The following TBC1D5 variants were observed in gnomAD, a reference collection of about 807,000 sequenced individuals.
The protein encoded by TBC1D5 is TBC1 domain family member 5, also known as TBC1 domain family, member 5.
A neutral mutation model predicts 100.3 loss-of-function variants in TBC1D5; 75 were observed. That is an observed-to-expected ratio of 0.75 (90% CI 0.62 to 0.91). The LOEUF is 0.91. Ranked by LOEUF, TBC1D5 falls within the 40% of genes least tolerant of loss-of-function variation. TBC1D5 has a pLI of 0.00. For missense variants in TBC1D5, 910 were observed against 942.4 expected (o/e 0.97, Z 0.45); for synonymous variants, 323 against 325.6 (o/e 0.99, Z 0.09).
At chr3:17,248,357 T>C (rs1383895353) in intron 16 of TBC1D5, among the ~76,000 whole-genome samples, 1 of 152,210 alleles carries the variant, frequency 6.6e-6, no homozygotes, top group East Asian at 1.9e-4. Flanking sequence ...AATCAACTTC[T>C]TTCAAACTCT....
At chr3:17,385,615 C>T (rs73156350) in intron 8 of TBC1D5, among the ~76,000 whole-genome samples, 10,265 of 151,924 alleles carry the variant, frequency 0.068, 696 homozygotes, top group African/African-American at 0.18. Context: ...AAATTAAGGT[C>T]CATTTTACAT....
At chr3:17,570,783 G>A (rs2096622302) in intron 2 of TBC1D5, among the ~76,000 whole-genome samples, 1 of 151,912 alleles carries the variant, frequency 6.6e-6, no homozygotes, top group African/African-American at 2.4e-5. Flanking sequence ...TGTCGATACA[G>A]TTGTTCATCC....
intron 8 of TBC1D5, among the ~76,000 whole-genome samples, chr3:17,386,320 T>C (rs910977833): frequency 2.6e-5 from 4 of 152,232 alleles, no homozygotes; most frequent in African/African-American, 9.6e-5. Flanking sequence ...GTAGCTGTTA[T>C]AATCTAAAAT....
At chr3:17,244,782 A>T (rs2076586745) in intron 16 of TBC1D5, among the ~76,000 whole-genome samples, 1 of 152,132 alleles carries the variant, frequency 6.6e-6, no homozygotes, top group Non-Finnish European at 1.5e-5. Flanking sequence ...ATGCTTATAG[A>T]TATCAATCTA....
At chr3:17,174,753 C>T (rs2067532256) in intron 19 of TBC1D5, among the ~76,000 whole-genome samples, 1 of 152,172 alleles carries the variant, frequency 6.6e-6, no homozygotes, top group African/African-American at 2.4e-5. Context: ...GCTACCATGC[C>T]TGGCTAATTT....
At chr3:17,358,875 T>TA (rs778056629) in intron 13 of TBC1D5, among the ~76,000 whole-genome samples, 52 of 151,984 alleles carry the variant, frequency 3.4e-4, no homozygotes, top group Non-Finnish European at 6.6e-4. Flanking sequence ...AAAAAATCTA[T>TA]AAAAAATCAT....
intron 13 of TBC1D5, among the ~76,000 whole-genome samples, chr3:17,329,698 C>T (rs1292660307): frequency 2.6e-5 from 4 of 152,140 alleles, no homozygotes; most frequent in Admixed American, 2.6e-4. Context: ...TAGTCCAATG[C>T]TTTTCCCACA....
chr3:17,245,846 T>C (rs1208888356), intron 16 of TBC1D5, among the ~76,000 whole-genome samples: 2 of 152,240 alleles, frequency 1.3e-5, no homozygotes, highest in Admixed American at 1.3e-4. Flanking sequence ...AATTATTTTC[T>C]CACCTGTATC....
intron 19 of TBC1D5, among the ~76,000 whole-genome samples, chr3:17,170,721 C>G (rs998315408): frequency 2.6e-5 from 4 of 152,108 alleles, no homozygotes; most frequent in African/African-American, 4.8e-5. Flanking sequence ...ACACAAAGCT[C>G]TCTTTAGAGG....
chr3:17,685,627 T>A (rs531244181), intron 1 of TBC1D5, among the ~76,000 whole-genome samples: 1 of 152,078 alleles, frequency 6.6e-6, no homozygotes, highest in Non-Finnish European at 1.5e-5. Context: ...CTCATCTCAA[T>A]ACATATGAAC....
intron 19 of TBC1D5, among the ~76,000 whole-genome samples, chr3:17,183,277 C>G (rs971188239): frequency 3.9e-5 from 6 of 152,112 alleles, no homozygotes; most frequent in Admixed American, 3.9e-4. Context: ...CCTTTAAAAG[C>G]CTTTGTTTTC....
chr3:17,411,572 G>C (rs1349618128), intron 4 of TBC1D5, among the ~76,000 whole-genome samples: 2 of 152,136 alleles, frequency 1.3e-5, no homozygotes, highest in African/African-American at 4.8e-5. Context: ...CCAGATAAGA[G>C]AGGGAAGTAT....
intron 1 of TBC1D5, among the ~76,000 whole-genome samples, chr3:17,656,686 G>A (rs1236545743): frequency 6.6e-6 from 1 of 152,058 alleles, no homozygotes; most frequent in African/African-American, 2.4e-5. Context: ...TACTCTTCAG[G>A]AGTTCATTCC....
At chr3:17,505,579 T>C (rs1182102265) in intron 3 of TBC1D5, among the ~76,000 whole-genome samples, 2 of 152,218 alleles carry the variant, frequency 1.3e-5, no homozygotes, top group African/African-American at 2.4e-5. Flanking sequence ...CAATCTCTTA[T>C]AAGCTTGTGA....
chr3:17,630,164 TG>T (rs2063376496), intron 1 of TBC1D5, among the ~76,000 whole-genome samples: 1 of 152,210 alleles, frequency 6.6e-6, no homozygotes. Flanking sequence ...TTTTCATTTC[TG>T]TTAACTAATT....
intron 16 of TBC1D5, among the ~76,000 whole-genome samples, chr3:17,240,472 G>A (rs1203856156): frequency 6.6e-6 from 1 of 152,008 alleles, no homozygotes; most frequent in Non-Finnish European, 1.5e-5. Context: ...TCATTTTTTA[G>A]GTGCTTCCTA....
At chr3:17,252,530 C>G (rs2149319143) in intron 16 of TBC1D5, among the ~76,000 whole-genome samples, 1 of 152,310 alleles carries the variant, frequency 6.6e-6, no homozygotes, top group East Asian at 1.9e-4. Context: ...AAGATTCTTA[C>G]TAGGAGGGTT....
chr3:17,310,465 T>C (rs1402177642), intron 13 of TBC1D5, among the ~76,000 whole-genome samples: 3 of 151,962 alleles, frequency 2.0e-5, no homozygotes, highest in African/African-American at 7.2e-5. Context: ...AAGGACCAAA[T>C]CCTGTGTGTG....
chr3:17,238,145 A>G lies in TBC1D5; in HGVS notation c.1588+18T>C, dbSNP rs1363918948. The G allele has an allele frequency of 1.2e-6, 2 of 1,607,104 alleles. No individual in the cohort carries two copies. The highest frequency in any genetic ancestry group is 2.7e-5 in the African/African-American group (2 of 74,622). On this transcript the variant is annotated intron_variant, in intron 17 of 21. Transcript: ENST00000253692. ...CACCATGAATGTTTTCTTTAGATTT[A>G]CTAGTATTTTTTCCTACCTTTGTTC... is the stretch of plus-strand genomic sequence containing the variant.
Sources: allele counts gnomAD v4.1 joint callset (sites outside exome capture counted in the v4.1 genomes callset), GRCh38; gene constraint gnomAD v4.1.1; transcripts MANE v1.5; gene names NCBI Gene and HGNC (gene_info 2026-07-23, HGNC 2026-07-21).